SLC24A2: variants seen among roughly 807,000 people sequenced by gnomAD.
SLC24A2 encodes sodium/potassium/calcium exchanger 2.
Under a neutral mutation model 62.0 loss-of-function variants are expected in SLC24A2, and 36 were observed. The ratio of observed to expected loss-of-function variants is 0.58; its 90% CI spans 0.44 to 0.77. SLC24A2 has a LOEUF of 0.77. Among genes scored for constraint, SLC24A2 ranks in the 30% least tolerant of loss-of-function variants. The pLI is 0.00. For missense variants in SLC24A2, 846 were observed against 817.9 expected (o/e 1.03, Z -0.42); for synonymous variants, 358 against 294.0 (o/e 1.22, Z -2.23).
intron 2 of SLC24A2, among the ~76,000 whole-genome samples, chr9:19,624,388 G>C (rs1192853343): frequency 6.6e-6 from 1 of 151,998 alleles, no homozygotes; most frequent in African/African-American, 2.4e-5. Context: ...CACCAGCTGA[G>C]AGTTTGAATT....
At chr9:20,272,401 T>A in the SLC24A2 span, among the ~76,000 whole-genome samples, 6 of 152,166 alleles carry the variant, frequency 3.9e-5, no homozygotes, top group African/African-American at 1.4e-4. Context: ...CTGACAAGTA[T>A]GTTTAGCTCA....
chr9:20,229,547 A>C, the SLC24A2 span, among the ~76,000 whole-genome samples: 2 of 152,154 alleles, frequency 1.3e-5, no homozygotes, highest in Non-Finnish European at 2.9e-5. Flanking sequence ...CCAGACACTA[A>C]GCAAGGGCCT....
intron 2 of SLC24A2, among the ~76,000 whole-genome samples, chr9:19,733,949 T>A (rs1293307418): frequency 6.6e-6 from 1 of 152,116 alleles, no homozygotes; most frequent in East Asian, 1.9e-4. Context: ...CAAAACAGAA[T>A]AAGGGAATGG....
intron 9 of SLC24A2, among the ~76,000 whole-genome samples, chr9:19,522,629 C>G (rs1016999367): frequency 8.5e-5 from 13 of 152,130 alleles, no homozygotes; most frequent in Admixed American, 3.9e-4. Context: ...CCTCATGGGA[C>G]ACAGAATCAC....
chr9:19,963,820 G>A, the SLC24A2 span, among the ~76,000 whole-genome samples: 13 of 152,132 alleles, frequency 8.5e-5, no homozygotes, highest in East Asian at 3.9e-4. Flanking sequence ...GCGATTCCTC[G>A]GGGACCTAGA....
At chr9:19,833,738 C>T in the SLC24A2 span, among the ~76,000 whole-genome samples, 3 of 152,220 alleles carry the variant, frequency 2.0e-5, no homozygotes, top group Non-Finnish European at 1.5e-5. Flanking sequence ...GTGGTTCTCC[C>T]AGCACGCAGC....
chr9:19,815,236 G>A, the SLC24A2 span, among the ~76,000 whole-genome samples: 5 of 152,108 alleles, frequency 3.3e-5, no homozygotes, highest in African/African-American at 1.2e-4. Context: ...AAAAAGTAGT[G>A]ACTCAAGAGG....
At chr9:19,749,673 A>G (rs977051553) in intron 2 of SLC24A2, among the ~76,000 whole-genome samples, 8 of 152,204 alleles carry the variant, frequency 5.3e-5, no homozygotes, top group African/African-American at 1.9e-4. Context: ...AATCATTTTT[A>G]GTATGTCCCA....
chr9:19,639,960 T>C (rs1818451392), intron 2 of SLC24A2, among the ~76,000 whole-genome samples: 1 of 152,246 alleles, frequency 6.6e-6, no homozygotes, highest in African/African-American at 2.4e-5. Context: ...CCAAACCATA[T>C]GCCCTCTTAA....
At chr9:20,204,868 C>A in the SLC24A2 span, among the ~76,000 whole-genome samples, 1 of 151,740 alleles carries the variant, frequency 6.6e-6, no homozygotes, top group East Asian at 1.9e-4. Flanking sequence ...CTCAGCCTCC[C>A]GAGTAGCCTG....
At chr9:20,275,423 G>C in the SLC24A2 span, among the ~76,000 whole-genome samples, 1 of 152,176 alleles carries the variant, frequency 6.6e-6, no homozygotes, top group East Asian at 1.9e-4. Flanking sequence ...AGATACAGTG[G>C]CATCTGCTCC....
chr9:19,560,458 CTCTCTG>C (rs766571065), intron 7 of SLC24A2, among the ~76,000 whole-genome samples: 40 of 152,222 alleles, frequency 2.6e-4, no homozygotes, highest in Admixed American at 5.2e-4. Context: ...CTTGTGCTCT[CTCTCTG>C]TCTCTATGTC....
At chr9:19,999,123 C>T in the SLC24A2 span, among the ~76,000 whole-genome samples, 5 of 152,202 alleles carry the variant, frequency 3.3e-5, no homozygotes, top group Admixed American at 6.5e-5. Flanking sequence ...CCCACTGGGG[C>T]TATTGGGAGA....
At position 19,627,509 on chromosome 9, in the gene SLC24A2, G is replaced by C. The variant is rs183907875; in HGVS notation, c.931-5210C>G. Among the ~76,000 whole-genome samples the C allele has an allele frequency of 1.6e-4, 25 of 152,204 alleles. No individual in the cohort carries two copies. In the East Asian group the frequency reaches 4.1e-3, roughly 25 times the overall value. On this transcript the variant is annotated intron_variant, in intron 2 of 10. Transcript: ENST00000341998. ...TTAAATCTACACAATTGTAATCAGAGTCTCCAAAATTTCTTGATCATATAC... is the reference window on the plus strand; with the variant it reads ...TTAAATCTACACAATTGTAATCAGACTCTCCAAAATTTCTTGATCATATAC...
At chr9:20,209,995 C>T in the SLC24A2 span, among the ~76,000 whole-genome samples, 3 of 152,182 alleles carry the variant, frequency 2.0e-5, no homozygotes, top group South Asian at 2.1e-4. Context: ...AACCTTGAAA[C>T]ACTTTTTAAA....
At chr9:19,685,374 T>G (rs547413984) in intron 2 of SLC24A2, among the ~76,000 whole-genome samples, 1 of 152,234 alleles carries the variant, frequency 6.6e-6, no homozygotes, top group Admixed American at 6.5e-5. Flanking sequence ...CTTATCAAAT[T>G]ACCAATGACA....
chr9:19,829,146 C>A, the SLC24A2 span, among the ~76,000 whole-genome samples: 15 of 152,310 alleles, frequency 9.8e-5, no homozygotes, highest in Admixed American at 3.3e-4. Flanking sequence ...TCTTCATGTA[C>A]CTGAAACTCA....
At chr9:20,101,494 T>G in the SLC24A2 span, among the ~76,000 whole-genome samples, 3 of 152,222 alleles carry the variant, frequency 2.0e-5, no homozygotes, top group African/African-American at 7.2e-5. Context: ...TAAGAAATAT[T>G]AATATATAGA....
the SLC24A2 span, among the ~76,000 whole-genome samples, chr9:19,874,653 G>C: frequency 3.3e-5 from 5 of 152,132 alleles, no homozygotes; most frequent in Admixed American, 3.3e-4. Context: ...TGCCAGACAA[G>C]GACAGGCTTA....
Sources: allele counts gnomAD v4.1 joint callset (sites outside exome capture counted in the v4.1 genomes callset), GRCh38; gene constraint gnomAD v4.1.1; transcripts MANE v1.5; gene names NCBI Gene and HGNC (gene_info 2026-07-23, HGNC 2026-07-21).